Variants in GPHN observed in about 807,000 individuals in gnomAD.
The protein encoded by GPHN is gephyrin.
In GPHN, 17 loss-of-function variants were observed where a neutral mutation model predicts 95.5. The observed-to-expected ratio is 0.18, with a 90% CI of 0.12 to 0.27. The LOEUF is 0.27. GPHN is among the 10% of genes least tolerant of loss of function. GPHN has a pLI of 1.00. For synonymous variants in GPHN, 320 were observed against 322.5 expected, an observed-to-expected ratio of 0.99 and a Z score of 0.08; for missense variants, 660 against 978.1, an observed-to-expected ratio of 0.67 and a Z score of 4.34.
At chr14:66,802,620 G>A (rs1212963680) in intron 3 of GPHN, among the ~76,000 whole-genome samples, 1 of 152,172 alleles carries the variant, frequency 6.6e-6, no homozygotes, top group Non-Finnish European at 1.5e-5. Flanking sequence ...CTTGATACCT[G>A]GGTATCACTG....
At chr14:67,221,619 T>C in the GPHN span, 1 of 575,430 alleles carries the variant, frequency 1.7e-6, no homozygotes, top group Non-Finnish European at 2.2e-6. Context: ...TTTATTCTCA[T>C]ATGTTCTATA....
At chr14:67,221,902 G>A in the GPHN span, 3 of 1,485,156 alleles carry the variant, frequency 2.0e-6, no homozygotes, top group South Asian at 3.8e-5. Context: ...AAGAGCAAAG[G>A]AATTCAGCTA....
intron 1 of GPHN, among the ~76,000 whole-genome samples, chr14:66,604,121 A>C (rs2062393472): frequency 6.6e-6 from 1 of 152,066 alleles, no homozygotes; most frequent in Admixed American, 6.5e-5. Flanking sequence ...TATTTTATAC[A>C]TGAGGAATTC....
intron 1 of GPHN, among the ~76,000 whole-genome samples, chr14:66,657,415 T>C (rs753975828): frequency 6.6e-6 from 1 of 152,232 alleles, no homozygotes; most frequent in Non-Finnish European, 1.5e-5. Flanking sequence ...GATGAATCTT[T>C]AGTGGCTACA....
chr14:66,586,894 A>T (rs942249183), intron 1 of GPHN, among the ~76,000 whole-genome samples: 2 of 152,226 alleles, frequency 1.3e-5, no homozygotes, highest in Non-Finnish European at 2.9e-5. Flanking sequence ...AAAGAAAAAA[A>T]CAAAGGTCAG....
the GPHN span, chr14:67,385,658 C>CTTTTTTTTT: frequency 3.7e-5 from 4 of 107,648 alleles, no homozygotes; most frequent in African/African-American, 1.2e-4. Context: ...CCACTTTTTT[C>CTTTTTTTTT]TTTTTTTTTT....
chr14:67,343,555 T>C, the GPHN span: 5 of 760,550 alleles, frequency 6.6e-6, no homozygotes, highest in African/African-American at 8.8e-5. Flanking sequence ...ACAACTTCTT[T>C]TTGGCATGCT....
chr14:67,321,175 G>A, the GPHN span: 2 of 1,614,220 alleles, frequency 1.2e-6, no homozygotes, highest in Non-Finnish European at 1.7e-6. Flanking sequence ...GTGAATTTGA[G>A]AAGAATTTGT....
chr14:66,678,859 G>A (rs1416547803), intron 1 of GPHN, among the ~76,000 whole-genome samples: 1 of 152,196 alleles, frequency 6.6e-6, no homozygotes, highest in Non-Finnish European at 1.5e-5. Context: ...AGTGTCTGCA[G>A]TTTCCCTAGG....
the GPHN span, among the ~76,000 whole-genome samples, chr14:67,534,316 T>C: frequency 6.6e-6 from 1 of 152,168 alleles, no homozygotes; most frequent in South Asian, 2.1e-4. Flanking sequence ...CAGTGGCTTA[T>C]GCCTGTAATC....
At chr14:67,527,621 T>C in the GPHN span, among the ~76,000 whole-genome samples, 1 of 152,230 alleles carries the variant, frequency 6.6e-6, no homozygotes, top group Admixed American at 6.5e-5. Context: ...TTGCTTCTAT[T>C]CCCATTCAGC....
intron 5 of GPHN, among the ~76,000 whole-genome samples, chr14:66,896,387 G>A (rs1259882906): frequency 6.6e-6 from 1 of 152,148 alleles, no homozygotes; most frequent in Non-Finnish European, 1.5e-5. Context: ...GGGAGGCTGA[G>A]GTGGGCTGAT....
At chr14:66,815,063 A>C (rs981646211) in intron 3 of GPHN, among the ~76,000 whole-genome samples, 1 of 152,222 alleles carries the variant, frequency 6.6e-6, no homozygotes, top group Admixed American at 6.5e-5. Context: ...AAAGAATCTC[A>C]GAGCTTAAAG....
chr14:66,612,044 A>G (rs1162071349), intron 1 of GPHN, among the ~76,000 whole-genome samples: 3 of 151,878 alleles, frequency 2.0e-5, no homozygotes, highest in African/African-American at 7.2e-5. Flanking sequence ...TTCTTCGCCT[A>G]ATACTTAAAC....
intron 9 of GPHN, among the ~76,000 whole-genome samples, chr14:67,002,969 C>T (rs2072342708): frequency 6.6e-6 from 1 of 151,572 alleles, no homozygotes; most frequent in Non-Finnish European, 1.5e-5. Context: ...GACATCAGCA[C>T]TTGTACCATT....
the GPHN span, among the ~76,000 whole-genome samples, chr14:67,713,729 G>A: frequency 1.1e-4 from 16 of 152,330 alleles, 1 homozygote; most frequent in African/African-American, 2.6e-4. Context: ...AGGAGGTCCT[G>A]ACGACATGTG....
Position 66,572,506 on chromosome 14 carries a change from G to A in GPHN, c.64+63915G>A, listed in dbSNP as rs115084046. 6.6e-3 allele frequency among the ~76,000 whole-genome samples: 992 copies of A among 151,132 alleles called. 13 individuals carry two copies. Among genetic ancestry groups the A allele is most frequent in the African/African-American group, 0.023 (936 of 41,098 alleles). ...TCTGTGTGTGTGTGTGTGTGTGTGT[G>A]TATACGTCTGTTTTTGTAGCTATGG... On this transcript the variant is annotated intron_variant, in intron 1 of 22. Transcript: ENST00000478722.
the GPHN span, among the ~76,000 whole-genome samples, chr14:67,269,232 T>C: frequency 6.6e-6 from 1 of 152,342 alleles, no homozygotes; most frequent in Non-Finnish European, 1.5e-5. Context: ...ATGTTTCATA[T>C]AGGATTATAC....
the GPHN span, among the ~76,000 whole-genome samples, chr14:67,531,581 C>CA: frequency 6.6e-6 from 1 of 151,830 alleles, no homozygotes; most frequent in African/African-American, 2.4e-5. Context: ...TTCCACTCTC[C>CA]ATGGTGCGTC....
Sources: gnomAD v4.1 joint callset for allele counts (sites outside exome capture counted in the v4.1 genomes callset) on GRCh38, gnomAD v4.1.1 for gene constraint, MANE v1.5 for transcripts, NCBI Gene and HGNC (gene_info 2026-07-23, HGNC 2026-07-21) for gene names.